Variants in KCNH8 observed in about 807,000 individuals in gnomAD.
The protein encoded by KCNH8 is voltage-gated delayed rectifier potassium channel KCNH8.
KCNH8 carries 70 observed loss-of-function variants against 103.6 expected under a neutral mutation model. That is an observed-to-expected ratio of 0.68 (90% confidence interval 0.56 to 0.82). The LOEUF is 0.82. Among genes scored for constraint, KCNH8 ranks in the 40% least tolerant of loss-of-function variants. The pLI is 0.00. For synonymous variants in KCNH8, 498 were observed against 489.4 expected (o/e 1.02, Z -0.23); for missense variants, 1,217 against 1,329.9 (o/e 0.92, Z 1.32).
At chr3:19,192,058 G>C (rs2125210475) in intron 1 of KCNH8, among the ~76,000 whole-genome samples, 1 of 151,598 alleles carries the variant, frequency 6.6e-6, no homozygotes, top group South Asian at 2.1e-4. Context: ...TACAGCCTTA[G>C]TAGCTTCAGT....
At chr3:19,450,038 AT>A in intron 8 of KCNH8, 67 bp from the exon 9 acceptor site, 1 of 1,327,424 alleles carries the variant, frequency 7.5e-7, no homozygotes, top group Middle Eastern at 1.9e-4. Context: ...TAAACTGTAA[AT>A]TTAGATTTAC....
At chr3:19,164,883 G>A (rs2063267747) in intron 1 of KCNH8, among the ~76,000 whole-genome samples, 1 of 152,156 alleles carries the variant, frequency 6.6e-6, no homozygotes, top group South Asian at 2.1e-4. Context: ...TGAGAGCTCT[G>A]CTGTAAGTCC....
chr3:19,532,716 TAGAGA>T (rs2069184292), intron 15 of KCNH8, among the ~76,000 whole-genome samples: 1 of 152,198 alleles, frequency 6.6e-6, no homozygotes, highest in African/African-American at 2.4e-5. Flanking sequence ...ATCAGTACTT[TAGAGA>T]TGATGGATCT....
At chr3:19,395,012 C>A (rs1197211282) in intron 6 of KCNH8, 92 bp from the exon 7 acceptor site, 3 of 880,966 alleles carry the variant, frequency 3.4e-6, no homozygotes, top group African/African-American at 3.3e-5. Flanking sequence ...AATTATACTT[C>A]ATTTCCAGAA....
chr3:19,425,962 G>A (rs537364568), intron 7 of KCNH8, among the ~76,000 whole-genome samples: 1 of 152,224 alleles, frequency 6.6e-6, no homozygotes, highest in East Asian at 1.9e-4. Flanking sequence ...TAGGGCCAGA[G>A]AGTGGAGAAG....
At chr3:19,325,044 T>C (rs1035117867) in intron 3 of KCNH8, among the ~76,000 whole-genome samples, 2 of 151,972 alleles carry the variant, frequency 1.3e-5, no homozygotes, top group African/African-American at 4.8e-5. Context: ...CATGCTTACT[T>C]AAGATCACTA....
At chr3:19,531,175 G>A (rs2069155149) in intron 15 of KCNH8, among the ~76,000 whole-genome samples, 1 of 152,162 alleles carries the variant, frequency 6.6e-6, no homozygotes, top group East Asian at 1.9e-4. Context: ...TTTCATACAG[G>A]AATTTAGCTT....
At chr3:19,488,002 G>T (rs947389795) in intron 11 of KCNH8, among the ~76,000 whole-genome samples, 9 of 152,238 alleles carry the variant, frequency 5.9e-5, no homozygotes, top group African/African-American at 1.9e-4. Context: ...CACCAGTATT[G>T]ACCAAAAACT....
At chr3:19,462,713 GC>G (rs2067658064) in intron 11 of KCNH8, among the ~76,000 whole-genome samples, 2 of 152,278 alleles carry the variant, frequency 1.3e-5, no homozygotes, top group African/African-American at 4.8e-5. Flanking sequence ...TGAAGGCTTT[GC>G]CCATGCTTAT....
intron 1 of KCNH8, among the ~76,000 whole-genome samples, chr3:19,170,681 CACAT>C (rs1368304175): frequency 6.9e-6 from 1 of 144,054 alleles, no homozygotes; most frequent in Non-Finnish European, 1.5e-5. Flanking sequence ...TATACACACA[CACAT>C]ATATACACAC....
At chr3:19,433,834 C>T (rs886556762) in intron 7 of KCNH8, among the ~76,000 whole-genome samples, 3 of 152,152 alleles carry the variant, frequency 2.0e-5, no homozygotes, top group Admixed American at 6.5e-5. Context: ...AATGCCGTTA[C>T]GGCTTTGTGC....
At chr3:19,374,396 T>A (rs1448960792) in intron 5 of KCNH8, among the ~76,000 whole-genome samples, 1 of 151,804 alleles carries the variant, frequency 6.6e-6, no homozygotes, top group East Asian at 1.9e-4. Flanking sequence ...TCTTTGTTGG[T>A]TTAAAGTCTG....
At chr3:19,225,754 C>A (rs1367099065) in intron 1 of KCNH8, among the ~76,000 whole-genome samples, 1 of 152,006 alleles carries the variant, frequency 6.6e-6, no homozygotes, top group Non-Finnish European at 1.5e-5. Flanking sequence ...TATTTTAGTT[C>A]TTGGTTTCCC....
intron 5 of KCNH8, among the ~76,000 whole-genome samples, chr3:19,388,425 T>TA (rs1183493030): frequency 3.3e-5 from 5 of 152,070 alleles, no homozygotes; most frequent in Non-Finnish European, 5.9e-5. Context: ...ATGCTACTCT[T>TA]ACAGTCTGAT....
chr3:19,162,651 A>G (rs1559403225), intron 1 of KCNH8, among the ~76,000 whole-genome samples: 5 of 152,152 alleles, frequency 3.3e-5, no homozygotes. Context: ...AACTTAGAAA[A>G]TATTTTGGTG....
intron 3 of KCNH8, among the ~76,000 whole-genome samples, chr3:19,308,696 CT>C (rs1559470039): frequency 2.6e-4 from 19 of 73,698 alleles, no homozygotes; most frequent in Non-Finnish European, 3.1e-4. Context: ...CTCTCTCTCT[CT>C]CTCTCTCTCT....
intron 1 of KCNH8, among the ~76,000 whole-genome samples, chr3:19,149,111 T>G (rs2063103607): frequency 6.6e-6 from 1 of 152,148 alleles, no homozygotes; most frequent in African/African-American, 2.4e-5. Context: ...GGTTGTAATT[T>G]TCTGAGGTGA....
chr3:19,445,794 A>G (rs900861791), intron 8 of KCNH8, among the ~76,000 whole-genome samples: 1 of 152,026 alleles, frequency 6.6e-6, no homozygotes, highest in South Asian at 2.1e-4. Context: ...TTTGCTTACA[A>G]TTATAAAACT....
intron 3 of KCNH8, among the ~76,000 whole-genome samples, chr3:19,316,373 T>G (rs2065274400): frequency 6.6e-6 from 1 of 151,940 alleles, no homozygotes; most frequent in Non-Finnish European, 1.5e-5. Context: ...TCTCCCCTGG[T>G]TGAGATACAC....
Sources: allele counts gnomAD v4.1 joint callset (sites outside exome capture counted in the v4.1 genomes callset), GRCh38; gene constraint gnomAD v4.1.1; transcripts MANE v1.5; gene names NCBI Gene and HGNC (gene_info 2026-07-23, HGNC 2026-07-21).